The following CETN3 variants were observed in gnomAD, a reference collection of about 807,000 sequenced individuals.
CETN3 encodes centrin-3.
A neutral mutation model predicts 20.1 loss-of-function variants in CETN3; 17 were observed. The ratio of observed to expected loss-of-function variants is 0.85; its 90% confidence interval spans 0.58 to 1.27. The LOEUF is 1.27. CETN3 is among the 50% of genes most tolerant of loss of function. The pLI, the probability that CETN3 is intolerant of heterozygous loss-of-function variation, is 0.00. For synonymous variants in CETN3, 52 were observed against 59.7 expected, an observed-to-expected ratio of 0.87 and a Z score of 0.59; for missense variants, 169 against 191.2, an observed-to-expected ratio of 0.88 and a Z score of 0.69.
chr5:90,403,406 A>T (rs1477314098), intron 3 of CETN3, among the ~76,000 whole-genome samples: 1 of 152,258 alleles, frequency 6.6e-6, no homozygotes, highest in South Asian at 2.1e-4. Flanking sequence ...TAGCTAAGAT[A>T]CATGTTGACC....
rs952054022 is a variant in CETN3 at position 90,393,934 on chromosome 5, T to C, written c.*130A>G. Reference sequence around the variant, plus strand: ...AAACTTAACAGTAGTAAAATACAGATATATAAGATGCTTATTTTTGGTCCT... The same window carrying C: ...AAACTTAACAGTAGTAAAATACAGACATATAAGATGCTTATTTTTGGTCCT... On this transcript the variant is annotated 3_prime_UTR_variant, in exon 5 of 5. Transcript: ENST00000283122. The C allele has an allele frequency of 3.6e-5, 24 of 666,072 alleles. No homozygotes were observed. In the Admixed American group the frequency reaches 6.3e-4, roughly 18 times the overall value. The allele number at this position is 666,072 out of a possible 1,614,324, so 41.3% of individuals were successfully genotyped here. A position where few individuals can be genotyped will look rare whatever the true frequency, so the allele number is the denominator to read the frequency against.
At chr5:90,406,754 C>T (rs1423762678) in intron 2 of CETN3, among the ~76,000 whole-genome samples, 1 of 148,904 alleles carries the variant, frequency 6.7e-6, no homozygotes, top group Non-Finnish European at 1.5e-5. Context: ...TTAGGAAGCT[C>T]CAGGTATGAA....
chr5:90,402,779 C>A (rs1749331484), intron 3 of CETN3, among the ~76,000 whole-genome samples: 1 of 152,168 alleles, frequency 6.6e-6, no homozygotes, highest in South Asian at 2.1e-4. Flanking sequence ...TGACTTCTGT[C>A]CTAGACAAAA....
chr5:90,401,909 G>A (rs1749300488), intron 3 of CETN3, among the ~76,000 whole-genome samples: 1 of 152,076 alleles, frequency 6.6e-6, no homozygotes, highest in African/African-American at 2.4e-5. Flanking sequence ...GAGTGCAATG[G>A]CGTGATCCCA....
intron 3 of CETN3, among the ~76,000 whole-genome samples, chr5:90,402,080 G>A (rs1400400961): frequency 1.3e-5 from 2 of 152,094 alleles, no homozygotes; most frequent in African/African-American, 4.8e-5. Flanking sequence ...TCAAACTCCT[G>A]TGAGCGAGCA....
At chr5:90,395,445 T>C in intron 4 of CETN3, among the ~76,000 whole-genome samples, 1 of 152,214 alleles carries the variant, frequency 6.6e-6, no homozygotes, top group East Asian at 1.9e-4. Flanking sequence ...TGTTTTATTA[T>C]TAAAATTTAA....
chr5:90,407,952 AC>A lies in CETN3; in HGVS notation c.18-119del, dbSNP rs1749500003. The A allele has an allele frequency of 1.6e-5, 14 of 858,452 alleles. No individual in the cohort carries two copies. The South Asian group carries it at 3.9e-4, about 24-fold the overall frequency. 53.2% of individuals were successfully genotyped at this position (858,452 alleles called of 1,614,324 possible). A position where few individuals can be genotyped will look rare whatever the true frequency, so the allele number is the denominator to read the frequency against. ...AAGTACTTTGGAGAAAGATAGGGAA[AC>A]TTTCCCTTTATGAGTCAATGACCTG... On this transcript the variant is annotated intron_variant, in intron 1 of 4. Transcript: ENST00000283122.
chr5:90,404,099 A>G (rs1435004059), intron 3 of CETN3, among the ~76,000 whole-genome samples: 1 of 152,164 alleles, frequency 6.6e-6, no homozygotes, highest in Non-Finnish European at 1.5e-5. Flanking sequence ...TAATAATAAT[A>G]GCAAATGCTT....
chr5:90,405,710 G>T lies in CETN3; in HGVS notation c.243C>A (p.Ile81=). ...CAACTTCATTAAAATCTTCAAAGGT[G>T]ATTTTCCCTGTGGCTTCTCTGTCAT... ...KDYDREATGK[I]TFEDFNEVVT... Residue 81 remains isoleucine, a synonymous_variant, in exon 3 of 5, where the codon ATC becomes ATA. Coordinates refer to ENST00000283122, the MANE Select transcript of CETN3 (RefSeq NM_004365.4). 6.2e-7 allele frequency: 1 copy of T among 1,609,686 alleles called. No individual in the cohort carries two copies. Among genetic ancestry groups the T allele is most frequent in the Non-Finnish European group, 8.5e-7 (1 of 1,176,290 alleles).
chr5:90,408,761 C>G (rs936104259), intron 1 of CETN3, among the ~76,000 whole-genome samples: 10 of 141,236 alleles, frequency 7.1e-5, no homozygotes, highest in African/African-American at 2.7e-4. Context: ...AAACACCTAT[C>G]TAGTTGCATT....
In CETN3 at chr5:90,396,425, T is replaced by A. The variant is rs1231615439; in HGVS notation, c.461-2318A>T. 4.7e-6 allele frequency: 7 copies of A among 1,492,394 alleles called. No individual in the cohort carries two copies. The Admixed American group carries it at 8.7e-5, about 19-fold the overall frequency. The allele number at this position is 1,492,394 out of a possible 1,614,324, so 92.4% of individuals were successfully genotyped here. ...TCTGAATATCTTAGGAAAGCTATGA[T>A]CCCTCTCTCTTTCCAATAAATACAG... On this transcript the variant is annotated intron_variant, in intron 4 of 4. Transcript: ENST00000283122.
At chr5:90,398,877 C>T (rs1044463262) in intron 4 of CETN3, among the ~76,000 whole-genome samples, 2 of 152,220 alleles carry the variant, frequency 1.3e-5, no homozygotes, top group Non-Finnish European at 2.9e-5. Flanking sequence ...GCAAGAACCA[C>T]ATCTGCCTTT....
At chr5:90,395,283 A>G (rs190777077) in intron 4 of CETN3, among the ~76,000 whole-genome samples, 1 of 152,306 alleles carries the variant, frequency 6.6e-6, no homozygotes, top group Non-Finnish European at 1.5e-5. Context: ...CCTATTCTGG[A>G]ATACATTAAA....
intron 3 of CETN3, among the ~76,000 whole-genome samples, chr5:90,403,597 C>T (rs577465859): frequency 1.6e-3 from 247 of 152,186 alleles, no homozygotes; most frequent in African/African-American, 5.5e-3. Context: ...TTTGGCCGGG[C>T]GCGGTGGCTC....
At chr5:90,398,886 T>G (rs1749206769) in intron 4 of CETN3, among the ~76,000 whole-genome samples, 1 of 152,198 alleles carries the variant, frequency 6.6e-6, no homozygotes, top group Non-Finnish European at 1.5e-5. Context: ...ACATCTGCCT[T>G]TTTCATTGTG....
chr5:90,402,834 T>C (rs1385968398), intron 3 of CETN3, among the ~76,000 whole-genome samples: 1 of 152,228 alleles, frequency 6.6e-6, no homozygotes, highest in African/African-American at 2.4e-5. Flanking sequence ...CACCTATATT[T>C]ACATTGTAAA....
At chr5:90,399,282 T>G in intron 4 of CETN3, 76 bp downstream of exon 4, 1 of 1,364,216 alleles carries the variant, frequency 7.3e-7, no homozygotes, top group Non-Finnish European at 1.0e-6. Flanking sequence ...GTCTTGCAAG[T>G]CATTTGGTTT....
At chr5:90,396,935 CAAATA>C (rs1214424941) in intron 4 of CETN3, among the ~76,000 whole-genome samples, 7 of 151,952 alleles carry the variant, frequency 4.6e-5, no homozygotes, top group South Asian at 2.1e-4. Flanking sequence ...AAAAATAATA[CAAATA>C]AAATAAAGTA....
Position 90,405,592 on chromosome 5 carries a change from T to A in CETN3, c.268+93A>T, listed in dbSNP as rs565312309. The A allele has an allele frequency of 1.4e-4, 119 of 823,462 alleles. 1 individual carries two copies. In the South Asian group the frequency reaches 1.8e-3, roughly 12 times the overall value. The allele number at this position is 823,462 out of a possible 1,614,324, so 51.0% of individuals were successfully genotyped here. Reference sequence around the variant, plus strand: ...TATACACCAGTGTTCTATAAGAAAATTCCATAACCTAGAGAATTTAAAATT... The same window carrying A: ...TATACACCAGTGTTCTATAAGAAAAATCCATAACCTAGAGAATTTAAAATT... On this transcript the variant is annotated intron_variant, in intron 3 of 4. Transcript: ENST00000283122.
Sources: gnomAD v4.1 joint callset for allele counts (sites outside exome capture counted in the v4.1 genomes callset) on GRCh38, gnomAD v4.1.1 for gene constraint, MANE v1.5 for transcripts, NCBI Gene and HGNC (gene_info 2026-07-23, HGNC 2026-07-21) for gene names.